The following ATXN1L variants were observed in gnomAD, a reference collection of about 807,000 sequenced individuals.
The protein encoded by ATXN1L is ataxin-1-like.
Under a neutral mutation model 43.4 loss-of-function variants are expected in ATXN1L, and 8 were observed. The observed-to-expected ratio is 0.18, with a 90% CI of 0.11 to 0.33. The LOEUF is 0.33. Among genes scored for constraint, ATXN1L ranks in the 10% least tolerant of loss-of-function variants. ATXN1L has a pLI of 1.00. For synonymous variants in ATXN1L, 379 were observed against 360.6 expected, an observed-to-expected ratio of 1.05 and a Z score of -0.58; for missense variants, 856 against 885.4, an observed-to-expected ratio of 0.97 and a Z score of 0.42.
Position 71,850,145 on chromosome 16 carries a change from C to T in ATXN1L, c.405C>T (p.Thr135=). The T allele has an allele frequency of 6.4e-7, 1 of 1,551,772 alleles. No individual in the cohort carries two copies. Among genetic ancestry groups the T allele is most frequent in the Non-Finnish European group, 8.7e-7 (1 of 1,146,998 alleles). The part of the protein sequence containing the change: ...PPLHYAQLPS[T]SLQFIGSPYS... ...TCCACTATGCTCAGCTCCCATCCAC[C>T]TCGCTGCAGTTCATTGGGTCTCCTT... is the stretch of plus-strand genomic sequence containing the variant. Residue 135 remains threonine (T), a synonymous_variant, in exon 3 of 3, where the codon ACC becomes ACT. Coordinates refer to ENST00000427980, the MANE Select transcript of ATXN1L (RefSeq NM_001137675.4).
In ATXN1L at chr16:71,850,021, C is replaced by T. The variant is rs2033481069; in HGVS notation, c.281C>T (p.Pro94Leu). 6.4e-7 allele frequency: 1 copy of T among 1,551,524 alleles called. No homozygotes were observed. Among genetic ancestry groups the T allele is most frequent in the Non-Finnish European group, 8.7e-7 (1 of 1,146,990 alleles). The change falls in exon 3 of 3, where the codon CCA becomes CTA. Residue 94 changes from proline to leucine, a missense_variant. Transcript: ENST00000427980. Reference protein sequence around the residue: ...KVAVPPATFSPTGLPSVVNMS... With the variant: ...KVAVPPATFSLTGLPSVVNMS... ...GCTGTGCCGCCTGCCACCTTTTCAC[C>T]AACTGGACTCCCATCTGTGGTGAAT...
At chr16:71,849,359 GC>G (rs2033475383) in intron 2 of ATXN1L, among the ~76,000 whole-genome samples, 1 of 152,106 alleles carries the variant, frequency 6.6e-6, no homozygotes, top group Admixed American at 6.5e-5. Flanking sequence ...GTCTCCCTGG[GC>G]TTGTGGAGCC....
rs183362463 is a variant in ATXN1L, at chr16:71,850,031, C to A, written c.291C>A (p.Leu97=). The A allele has an allele frequency of 1.3e-6, 2 of 1,551,654 alleles. No homozygotes were observed. The highest frequency in any genetic ancestry group is 1.7e-6 in the Non-Finnish European group (2 of 1,146,986). Residue 97 remains leucine (L), a synonymous_variant, in exon 3 of 3, where the codon CTC becomes CTA. Coordinates refer to ENST00000427980, the MANE Select transcript of ATXN1L (RefSeq NM_001137675.4). The part of the protein sequence containing the change: ...VPPATFSPTG[L]PSVVNMSPLP... ...CTGCCACCTTTTCACCAACTGGACT[C>A]CCATCTGTGGTGAATATGAGTCCCT...
rs1046175533 is a variant in ATXN1L, at chr16:71,846,027, C to A, written c.-257C>A. ...CGCTGGGTGTGGGGCGGCTCCGGGGCCGGGGATGGCGGCGGCCGCGGTTGC... is the reference window on the plus strand; with the variant it reads ...CGCTGGGTGTGGGGCGGCTCCGGGGACGGGGATGGCGGCGGCCGCGGTTGC... On this transcript the variant is annotated 5_prime_UTR_variant, in exon 1 of 3. Coordinates refer to ENST00000427980, the MANE Select transcript of ATXN1L (RefSeq NM_001137675.4). 4 of 187,298 alleles carry A rather than the reference C, an allele frequency of 2.1e-5. No homozygotes were observed. The highest frequency in any genetic ancestry group is 4.5e-5 in the Non-Finnish European group (4 of 88,880). The allele number at this position is 187,298 out of a possible 1,614,324, so 11.6% of individuals were successfully genotyped here.
chr16:71,848,506 T>G (rs1055604380), intron 2 of ATXN1L: 2 of 155,488 alleles, frequency 1.3e-5, no homozygotes, highest in African/African-American at 4.8e-5. Flanking sequence ...CTTTTGAGAC[T>G]AGGGAACCGG....
chr16:71,850,390 C>G lies in ATXN1L; in HGVS notation c.650C>G (p.Thr217Ser). 1 of 1,551,710 alleles carries G rather than the reference C, an allele frequency of 6.4e-7. No individual in the cohort carries two copies. The change falls in exon 3 of 3, where the codon ACT becomes AGT. Residue 217 changes from threonine (T) to serine (S), a missense_variant. Thr to Ser is a moderately conservative substitution (Grantham distance 58, BLOSUM62 1). Transcript: ENST00000427980. The stretch of plus-strand genomic sequence containing the variant: ...GGGCAATTGCCACATCATTCAAGTA[C>G]TCAGCCGCTGGACCTTGCTCCAGGT... ...PSGQLPHHSSTQPLDLAPGRM... is the reference protein window; with the variant it reads ...PSGQLPHHSSSQPLDLAPGRM...
chr16:71,853,723 A>G lies in ATXN1L; in HGVS notation c.*1913A>G, dbSNP rs929656482. ...TGCTAAAGGTTGTTCTCCTGGGGGA[A>G]CAGAGTGACTGAAACTGGCTTGTTT... is the stretch of plus-strand genomic sequence containing the variant. On this transcript the variant is annotated 3_prime_UTR_variant, in exon 3 of 3. Transcript: ENST00000427980. 1.2e-5 allele frequency: 2 copies of G among 166,952 alleles called. No individual in the cohort carries two copies. Among genetic ancestry groups the G allele is most frequent in the African/African-American group, 4.8e-5 (2 of 41,422 alleles). 10.3% of individuals were successfully genotyped at this position (166,952 alleles called of 1,614,324 possible).
chr16:71,854,433 C>T lies in ATXN1L; in HGVS notation c.*2623C>T, dbSNP rs1403983428. On this transcript the variant is annotated 3_prime_UTR_variant, in exon 3 of 3. Coordinates refer to ENST00000427980, the MANE Select transcript of ATXN1L (RefSeq NM_001137675.4). ...ACAATATCGTTCCATGCATATATAA[C>T]ATATTAATACTTGATTTTGCTGAGC... 6.0e-6 allele frequency: 1 copy of T among 167,000 alleles called. No homozygotes were observed. Among genetic ancestry groups the T allele is most frequent in the Non-Finnish European group, 1.5e-5 (1 of 68,118 alleles). The allele number at this position is 167,000 out of a possible 1,614,324, so 10.3% of individuals were successfully genotyped here.
At chr16:71,847,276 C>T (rs937504573) in intron 1 of ATXN1L, among the ~76,000 whole-genome samples, 3 of 152,152 alleles carry the variant, frequency 2.0e-5, no homozygotes, top group African/African-American at 7.2e-5. Context: ...GCGTTTCTGG[C>T]AAGTGTAGAT....
chr16:71,850,490 C>T lies in ATXN1L; in HGVS notation c.750C>T (p.Ala250=). 6.4e-7 allele frequency: 1 copy of T among 1,551,734 alleles called. No individual in the cohort carries two copies. The highest frequency in any genetic ancestry group is 8.7e-7 in the Non-Finnish European group (1 of 1,147,000). ...TGCATGAAACCCCTCCAGCAGGTGC[C>T]AGCCCAGTTCTTACCCCTCAGGAGA... ...YTLHETPPAG[A]SPVLTPQESQ... is the part of the protein sequence containing the mutation. The change falls in exon 3 of 3, where the codon GCC becomes GCT. Residue 250 remains alanine, a synonymous_variant. Transcript: ENST00000427980.
At chr16:71,848,710 G>T (rs979564031) in intron 2 of ATXN1L, among the ~76,000 whole-genome samples, 11 of 151,474 alleles carry the variant, frequency 7.3e-5, no homozygotes, top group Non-Finnish European at 1.0e-4. Flanking sequence ...AACAAAACAC[G>T]AGCAGACCTG....
chr16:71,851,675 G>A lies in ATXN1L; in HGVS notation c.1935G>A (p.Gln645=). The A allele has an allele frequency of 6.6e-7, 1 of 1,507,276 alleles. No individual in the cohort carries two copies. The highest frequency in any genetic ancestry group is 1.4e-5 in the African/African-American group (1 of 71,574). 93.4% of individuals were successfully genotyped at this position (1,507,276 alleles called of 1,614,324 possible). A position where few individuals can be genotyped will look rare whatever the true frequency, so the allele number is the denominator to read the frequency against. Residue 645 remains glutamine, a synonymous_variant, in exon 3 of 3, where the codon CAG becomes CAA. Transcript: ENST00000427980. The surrounding 1 kb of genome is among the most constrained non-coding windows in gnomAD (Gnocchi z 4.9). The part of the protein sequence containing the change: ...VEPSQPESGA[Q]ACWPAPSFQR... ...CTTCCCAGCCTGAGTCCGGTGCTCAGGCCTGCTGGCCAGCCCCGAGCTTCC... is the reference window on the plus strand; with the variant it reads ...CTTCCCAGCCTGAGTCCGGTGCTCAAGCCTGCTGGCCAGCCCCGAGCTTCC...
chr16:71,849,675 A>C lies in ATXN1L; in HGVS notation c.-66A>C, dbSNP rs1465397096. 1.4e-6 allele frequency: 2 copies of C among 1,446,434 alleles called. No individual in the cohort carries two copies. Among genetic ancestry groups the C allele is most frequent in the African/African-American group, 1.4e-5 (1 of 69,684 alleles). 89.6% of individuals were successfully genotyped at this position (1,446,434 alleles called of 1,614,324 possible). On this transcript the variant is annotated 5_prime_UTR_variant, in exon 3 of 3. Coordinates refer to ENST00000427980, the MANE Select transcript of ATXN1L (RefSeq NM_001137675.4). ...GAGGGGTACAGGGAAGCTACAGAGA[A>C]GCCCCTTCTGATGCCCCAGGGAGCA...
intron 1 of ATXN1L, among the ~76,000 whole-genome samples, chr16:71,847,059 T>A (rs2033450233): frequency 6.6e-6 from 1 of 152,212 alleles, no homozygotes; most frequent in Non-Finnish European, 1.5e-5. Flanking sequence ...ATTAGGAATT[T>A]GTTTTCCCAC....
intron 2 of ATXN1L, 32 bp from the exon 3 acceptor site, chr16:71,849,592 C>T: frequency 6.1e-6 from 5 of 817,564 alleles, no homozygotes; most frequent in South Asian, 2.6e-5. Context: ...CCCTAGGTTA[C>T]TTTTCTTTGC....
rs1219728909 is a variant in ATXN1L at position 71,853,661 on chromosome 16, G to C, written c.*1851G>C. 1 of 166,932 alleles carries C rather than the reference G, an allele frequency of 6.0e-6. No individual in the cohort carries two copies. The highest frequency in any genetic ancestry group is 2.1e-4 in the South Asian group (1 of 4,822). 10.3% of individuals were successfully genotyped at this position (166,932 alleles called of 1,614,324 possible). ...ATCTTACCTACCTCCTGGGGGGAGG[G>C]GAAGTTCTGAGAATGGAGTCATTCT... is the stretch of plus-strand genomic sequence containing the variant. On this transcript the variant is annotated 3_prime_UTR_variant, in exon 3 of 3. Coordinates refer to ENST00000427980, the MANE Select transcript of ATXN1L (RefSeq NM_001137675.4).
Position 71,851,911 on chromosome 16 carries a change from T to C in ATXN1L, c.*101T>C, listed in dbSNP as rs2033508316. ...ACACGCCGAGCAGGGAATGGCTTTC[T>C]TGGCAGTGAGATTTGGGGGAAAGGG... On this transcript the variant is annotated 3_prime_UTR_variant, in exon 3 of 3. Coordinates refer to ENST00000427980, the MANE Select transcript of ATXN1L (RefSeq NM_001137675.4). This position sits in a 1 kb window ranked among gnomAD's most constrained non-coding sequence, Gnocchi z 4.9. 3.9e-6 allele frequency: 5 copies of C among 1,285,468 alleles called. No individual in the cohort carries two copies. Among genetic ancestry groups the C allele is most frequent in the South Asian group, 5.0e-5 (2 of 40,062 alleles). 79.6% of individuals were successfully genotyped at this position (1,285,468 alleles called of 1,614,324 possible).
At chr16:71,849,336 C>G (rs763732716) in intron 2 of ATXN1L, among the ~76,000 whole-genome samples, 1 of 151,706 alleles carries the variant, frequency 6.6e-6, no homozygotes, top group East Asian at 1.9e-4. Flanking sequence ...CATGACTAAC[C>G]GTGAAGCTGT....
Position 71,850,326 on chromosome 16 carries a change from C to T in ATXN1L, c.586C>T (p.His196Tyr), listed in dbSNP as rs2033485239. 7.1e-6 allele frequency: 11 copies of T among 1,551,614 alleles called. No homozygotes were observed. The highest frequency in any genetic ancestry group is 2.4e-5 in the South Asian group (2 of 84,066). Residue 196 changes from histidine to tyrosine, a missense_variant, in exon 3 of 3, where the codon CAC (histidine) becomes TAC (tyrosine). Coordinates refer to ENST00000427980, the MANE Select transcript of ATXN1L (RefSeq NM_001137675.4). The stretch of plus-strand genomic sequence containing the variant: ...TCCCCCACAGGCTCCCTCCCCGGCC[C>T]ACTCATTTAACAAAGCTCCCTCTGC... ...TPPPQAPSPA[H>Y]SFNKAPSATS...
Sources: allele counts gnomAD v4.1 joint callset (sites outside exome capture counted in the v4.1 genomes callset), GRCh38; gene constraint gnomAD v4.1.1; non-coding constraint Gnocchi (gnomAD v3.1); transcripts MANE v1.5; gene names NCBI Gene and HGNC (gene_info 2026-07-23, HGNC 2026-07-21).